APBB2: variants seen among roughly 807,000 people sequenced by gnomAD.
APBB2 encodes the protein amyloid beta precursor protein binding family B member 2.
A neutral mutation model predicts 82.5 loss-of-function variants in APBB2; 38 were observed. That is an observed-to-expected ratio of 0.46 (90% confidence interval 0.36 to 0.60). The LOEUF is 0.60. Ranked by LOEUF, APBB2 falls within the 20% of genes least tolerant of loss-of-function variation. The pLI is 0.00. For missense variants in APBB2, 772 were observed against 972.3 expected (o/e 0.79, Z 2.74); for synonymous variants, 341 against 368.2 (o/e 0.93, Z 0.85).
At chr4:40,837,038 C>A (rs1465773722) in intron 12 of APBB2, among the ~76,000 whole-genome samples, 2 of 152,214 alleles carry the variant, frequency 1.3e-5, no homozygotes, top group Non-Finnish European at 1.5e-5. Flanking sequence ...GTAAGAGCAA[C>A]AGGGTAGGTC....
intron 12 of APBB2, among the ~76,000 whole-genome samples, chr4:40,862,583 G>C (rs972396723): frequency 6.6e-6 from 1 of 152,192 alleles, no homozygotes; most frequent in Non-Finnish European, 1.5e-5. Context: ...GGTCCTAGCC[G>C]GGCACCGCGG....
intron 5 of APBB2, among the ~76,000 whole-genome samples, chr4:41,021,311 T>A (rs908668786): frequency 6.6e-6 from 1 of 152,088 alleles, no homozygotes; most frequent in African/African-American, 2.4e-5. Flanking sequence ...ATCACCCAAT[T>A]CCCAACAGCA....
intron 10 of APBB2, among the ~76,000 whole-genome samples, chr4:40,920,223 A>G (rs994226152): frequency 2.6e-5 from 4 of 152,104 alleles, no homozygotes; most frequent in Non-Finnish European, 5.9e-5. Flanking sequence ...TGATGGTTTT[A>G]TAAAGGAAGT....
At chr4:40,821,284 G>A (rs1747838010) in intron 17 of APBB2, among the ~76,000 whole-genome samples, 1 of 152,320 alleles carries the variant, frequency 6.6e-6, no homozygotes, top group African/African-American at 2.4e-5. Context: ...GTGGTATAAA[G>A]AGCTCTGACT....
chr4:41,148,489 A>G (rs918416817), intron 1 of APBB2, among the ~76,000 whole-genome samples: 1 of 152,236 alleles, frequency 6.6e-6, no homozygotes, highest in African/African-American at 2.4e-5. Flanking sequence ...CACTATATTC[A>G]TCCAACAAAT....
At chr4:41,131,027 A>G (rs1755821001) in intron 2 of APBB2, among the ~76,000 whole-genome samples, 1 of 152,212 alleles carries the variant, frequency 6.6e-6, no homozygotes. Flanking sequence ...AAGTACTGAC[A>G]AGGAACATCA....
chr4:40,864,795 C>T (rs1763649991), intron 12 of APBB2, among the ~76,000 whole-genome samples: 1 of 151,554 alleles, frequency 6.6e-6, no homozygotes, highest in South Asian at 2.1e-4. Flanking sequence ...CGAGGGTGAG[C>T]ATAAATTGTT....
At chr4:41,116,274 T>C (rs1478929438) in intron 2 of APBB2, among the ~76,000 whole-genome samples, 2 of 151,910 alleles carry the variant, frequency 1.3e-5, no homozygotes, top group African/African-American at 4.8e-5. Flanking sequence ...TGGGAACACA[T>C]GGACACAGGG....
chr4:41,029,397 G>T (rs1715796831), intron 5 of APBB2, among the ~76,000 whole-genome samples: 1 of 152,202 alleles, frequency 6.6e-6, no homozygotes, highest in African/African-American at 2.4e-5. Flanking sequence ...GGGTCACCGG[G>T]CCAGGGAGAT....
intron 3 of APBB2, among the ~76,000 whole-genome samples, chr4:41,073,336 C>T (rs1431100005): frequency 6.6e-6 from 1 of 152,184 alleles, no homozygotes; most frequent in East Asian, 1.9e-4. Flanking sequence ...GTTCTTTTCT[C>T]TTTCTCCCAT....
At chr4:40,856,451 G>C (rs1761211429) in intron 12 of APBB2, among the ~76,000 whole-genome samples, 1 of 152,244 alleles carries the variant, frequency 6.6e-6, no homozygotes, top group Non-Finnish European at 1.5e-5. Flanking sequence ...TGGGGAATTT[G>C]AGATATTTTC....
intron 10 of APBB2, among the ~76,000 whole-genome samples, chr4:40,894,768 T>C (rs1773181084): frequency 6.6e-6 from 1 of 152,214 alleles, no homozygotes; most frequent in African/African-American, 2.4e-5. Flanking sequence ...CTGTTTATTA[T>C]AACAAGTAAA....
intron 1 of APBB2, among the ~76,000 whole-genome samples, chr4:41,147,840 T>A (rs368782352): frequency 1.2e-3 from 185 of 152,242 alleles, no homozygotes; most frequent in African/African-American, 4.2e-3. Flanking sequence ...CTGAAATTTC[T>A]ATGTCAAAAT....
chr4:40,886,644 C>T (rs1350949753), intron 12 of APBB2, among the ~76,000 whole-genome samples: 3 of 152,176 alleles, frequency 2.0e-5, no homozygotes, highest in South Asian at 2.1e-4. Flanking sequence ...TCCCTCCAAA[C>T]TCACCTTTGA....
chr4:40,919,285 A>G (rs1251360197), intron 10 of APBB2, among the ~76,000 whole-genome samples: 2 of 152,212 alleles, frequency 1.3e-5, no homozygotes, highest in Non-Finnish European at 2.9e-5. Flanking sequence ...TGTTTTGTCC[A>G]TAAGAGGAGG....
At chr4:41,045,095 T>C (rs1169275815) in intron 4 of APBB2, among the ~76,000 whole-genome samples, 1 of 152,160 alleles carries the variant, frequency 6.6e-6, no homozygotes, top group Non-Finnish European at 1.5e-5. Context: ...TAGTATTTAG[T>C]TGATTTTGTG....
At chr4:40,867,231 T>C (rs1189745928) in intron 12 of APBB2, among the ~76,000 whole-genome samples, 1 of 152,242 alleles carries the variant, frequency 6.6e-6, no homozygotes, top group Non-Finnish European at 1.5e-5. Context: ...TCTGGTCTTT[T>C]GCAGAAAAAG....
intron 12 of APBB2, among the ~76,000 whole-genome samples, chr4:40,868,956 G>A (rs1006661430): frequency 6.6e-6 from 1 of 152,124 alleles, no homozygotes; most frequent in Admixed American, 6.5e-5. Context: ...CCATGCTTAC[G>A]AACTACTAAA....
rs565374336 is a variant in APBB2 at position 41,166,110 on chromosome 4, G to A, written c.-416-22968C>T. 1.4e-3 allele frequency among the ~76,000 whole-genome samples: 208 copies of A among 150,728 alleles called. 2 individuals are homozygous for A. Among genetic ancestry groups the A allele is most frequent in the African/African-American group, 4.5e-3 (185 of 41,146 alleles). On this transcript the variant is annotated intron_variant, in intron 1 of 17. Coordinates refer to ENST00000508593, the MANE Select transcript of APBB2 (RefSeq NM_004307.2). ...AGGATGGTCTCAATCTCCTGACCTC[G>A]TGATCCGCCCGCCTCGGCCTCCCAA...
Sources: gnomAD v4.1 joint callset for allele counts (sites outside exome capture counted in the v4.1 genomes callset) on GRCh38, gnomAD v4.1.1 for gene constraint, MANE v1.5 for transcripts, NCBI Gene and HGNC (gene_info 2026-07-23, HGNC 2026-07-21) for gene names.